ARHGAP18: variants seen among roughly 807,000 people sequenced by gnomAD.
ARHGAP18 encodes Rho GTPase activating protein 18.
Under a neutral mutation model 86.2 loss-of-function variants are expected in ARHGAP18, and 67 were observed. That is an observed-to-expected ratio of 0.78 (90% confidence interval 0.64 to 0.95). The LOEUF (loss-of-function observed/expected upper bound fraction) is 0.95, where lower values mean the gene tolerates loss of function less well. Among genes scored for constraint, ARHGAP18 ranks in the 40% least tolerant of loss-of-function variants. ARHGAP18 has a pLI of 0.00. For missense variants in ARHGAP18, 691 were observed against 780.4 expected (o/e 0.89, Z 1.37); for synonymous variants, 283 against 280.4 (o/e 1.01, Z -0.09).
At chr6:129,608,083 AAAAG>A (rs1289920850) in intron 8 of ARHGAP18, 31 bp from the exon 9 acceptor site, 1 of 1,533,008 alleles carries the variant, frequency 6.5e-7, no homozygotes, top group Admixed American at 2.2e-5. Flanking sequence ...AAAAAAAAAA[AAAAG>A]AAGCAGCTAG....
intron 12 of ARHGAP18, among the ~76,000 whole-genome samples, chr6:129,585,401 G>T (rs192742155): frequency 6.6e-6 from 1 of 152,148 alleles, no homozygotes; most frequent in African/African-American, 2.4e-5. Flanking sequence ...TTAGAATCAG[G>T]CTCTATAAAA....
intron 3 of ARHGAP18, among the ~76,000 whole-genome samples, chr6:129,636,182 G>T (rs1012715442): frequency 1.3e-5 from 2 of 152,146 alleles, no homozygotes; most frequent in African/African-American, 2.4e-5. Context: ...TAACCACTGG[G>T]TGGTAAGCAA....
intron 4 of ARHGAP18, among the ~76,000 whole-genome samples, chr6:129,631,550 T>C (rs1773210613): frequency 6.6e-6 from 1 of 152,158 alleles, no homozygotes; most frequent in Non-Finnish European, 1.5e-5. Context: ...CTACTCTCAA[T>C]AAGAACAGAA....
intron 5 of ARHGAP18, among the ~76,000 whole-genome samples, chr6:129,626,672 T>TACACACACAC (rs66753341): frequency 6.8e-5 from 10 of 147,062 alleles, no homozygotes; most frequent in African/African-American, 2.5e-4. Flanking sequence ...CACACACACA[T>TACACACACAC]ACACACACAC....
chr6:129,610,175 G>A (rs139511777), intron 8 of ARHGAP18, among the ~76,000 whole-genome samples: 294 of 152,342 alleles, frequency 1.9e-3, no homozygotes, highest in African/African-American at 6.7e-3. Flanking sequence ...TTGGAAGATA[G>A]GGTAAAAGTT....
At position 129,625,795 on chromosome 6, in the gene ARHGAP18, T is replaced by TA. The variant is rs1789430843; in HGVS notation, c.786+3557_786+3558insT. ...TATATTTATATATATAATATATATT[T>TA]TTATATTATATATTATATATTTATA... On this transcript the variant is annotated intron_variant, in intron 5 of 14. Coordinates refer to ENST00000368149, the MANE Select transcript of ARHGAP18 (RefSeq NM_033515.3). Among the ~76,000 whole-genome samples the TA allele has an allele frequency of 5.9e-5, 4 of 67,574 alleles. 1 individual carries two copies. The allele number at this position is 67,574 out of a possible 152,430, so 44.3% of individuals were successfully genotyped here. A position where few individuals can be genotyped will look rare whatever the true frequency, so the allele number is the denominator to read the frequency against.
At chr6:129,661,808 C>T in intron 1 of ARHGAP18, 1 of 944,716 alleles carries the variant, frequency 1.1e-6, no homozygotes, top group Non-Finnish European at 1.3e-6. Flanking sequence ...GCCCTCCACC[C>T]TCAGCCCATC....
At chr6:129,657,651 T>C (rs1029233962) in intron 1 of ARHGAP18, among the ~76,000 whole-genome samples, 6 of 152,200 alleles carry the variant, frequency 3.9e-5, no homozygotes, top group African/African-American at 1.4e-4. Context: ...TGGAAGGCCA[T>C]TCACTTCCAC....
At chr6:129,645,883 G>A (rs956361775) in intron 1 of ARHGAP18, among the ~76,000 whole-genome samples, 6 of 152,116 alleles carry the variant, frequency 3.9e-5, no homozygotes, top group Middle Eastern at 3.2e-3. Context: ...TTACAAAAAT[G>A]AGGGCTTTGT....
chr6:129,626,897 T>C (rs1789487911), intron 5 of ARHGAP18, among the ~76,000 whole-genome samples: 1 of 152,136 alleles, frequency 6.6e-6, no homozygotes, highest in Admixed American at 6.5e-5. Flanking sequence ...AAGATGCTCA[T>C]GTACGTCTGT....
chr6:129,670,521 C>T (rs1043329656), intron 1 of ARHGAP18, among the ~76,000 whole-genome samples: 27 of 152,032 alleles, frequency 1.8e-4, no homozygotes, highest in African/African-American at 5.8e-4. Context: ...ATATTCACAC[C>T]GAGGATGGAG....
At chr6:129,697,234 G>C (rs969378711) in intron 1 of ARHGAP18, among the ~76,000 whole-genome samples, 16 of 152,296 alleles carry the variant, frequency 1.1e-4, no homozygotes, top group African/African-American at 3.8e-4. Context: ...ACATGAAGAA[G>C]GCTCTGACGA....
chr6:129,594,224 G>GA (rs1267549862), intron 12 of ARHGAP18, among the ~76,000 whole-genome samples: 1 of 152,170 alleles, frequency 6.6e-6, no homozygotes, highest in Non-Finnish European at 1.5e-5. Context: ...ATGCTTTGGG[G>GA]AAAGTAATAA....
chr6:129,645,617 G>A (rs1773562599), intron 1 of ARHGAP18, among the ~76,000 whole-genome samples: 1 of 152,044 alleles, frequency 6.6e-6, no homozygotes, highest in African/African-American at 2.4e-5. Context: ...AGAAGCTCCC[G>A]CATTTCTCAC....
In ARHGAP18 at chr6:129,578,401, T is replaced by C. The variant is rs1197932192; in HGVS notation, c.*112A>G. On this transcript the variant is annotated 3_prime_UTR_variant, in exon 15 of 15. Transcript: ENST00000368149. ...AAGGCTTAAGAGAGTCATTTTTAAA[T>C]ACTTGGGTACAACTGAATAATATGA... 3.0e-6 allele frequency: 2 copies of C among 666,774 alleles called. No homozygotes were observed. Among genetic ancestry groups the C allele is most frequent in the Non-Finnish European group, 4.7e-6 (2 of 421,444 alleles). 41.3% of individuals were successfully genotyped at this position (666,774 alleles called of 1,614,324 possible).
chr6:129,609,410 G>A (rs542733213), intron 8 of ARHGAP18, among the ~76,000 whole-genome samples: 48 of 152,182 alleles, frequency 3.2e-4, no homozygotes, highest in African/African-American at 7.9e-4. Context: ...CAGCCTTCTC[G>A]TTGCAAAGTA....
At position 129,584,025 on chromosome 6, in the gene ARHGAP18, C is replaced by A; in HGVS notation, c.1801G>T (p.Ala601Ser). 6.2e-7 allele frequency: 1 copy of A among 1,613,712 alleles called. No homozygotes were observed. Among genetic ancestry groups the A allele is most frequent in the South Asian group, 1.1e-5 (1 of 91,058 alleles). ...MAIQLTEELK[A>S]SDVLARFLSQ... ...AGAAACCTGGCAAGTACATCACTGG[C>A]TTTTAGTTCTTCAGTTAGCTGTATT... Residue 601 changes from alanine (A) to serine (S), a missense_variant, in exon 13 of 15, where the codon GCC becomes TCC. Physicochemically the swap from Ala to Ser is moderately conservative, Grantham distance 99 (BLOSUM62 1). Transcript: ENST00000368149.
intron 1 of ARHGAP18, among the ~76,000 whole-genome samples, chr6:129,642,535 A>C (rs1759730863): frequency 6.6e-6 from 1 of 151,768 alleles, no homozygotes; most frequent in Non-Finnish European, 1.5e-5. Flanking sequence ...TCCTCAACTG[A>C]TCCTCCCACC....
chr6:129,582,170 C>G (rs1406550530), intron 13 of ARHGAP18, among the ~76,000 whole-genome samples: 1 of 149,542 alleles, frequency 6.7e-6, no homozygotes, highest in Non-Finnish European at 1.5e-5. Flanking sequence ...ATACCCTGCT[C>G]TGGGGGTAGC....
Sources: gnomAD v4.1 joint callset for allele counts (sites outside exome capture counted in the v4.1 genomes callset) on GRCh38, gnomAD v4.1.1 for gene constraint, MANE v1.5 for transcripts, NCBI Gene and HGNC (gene_info 2026-07-23, HGNC 2026-07-21) for gene names.